DPP6: variants seen among roughly 807,000 people sequenced by gnomAD.
DPP6 encodes the protein A-type potassium channel modulatory protein DPP6.
In DPP6, 69 loss-of-function variants were observed where a neutral mutation model predicts 122.6. That is an observed-to-expected ratio of 0.56 (90% confidence interval 0.46 to 0.69). The LOEUF is 0.69. Ranked by LOEUF, DPP6 falls within the 30% of genes least tolerant of loss-of-function variation. DPP6 has a pLI of 0.00. For missense variants in DPP6, 928 were observed against 1,116.9 expected (o/e 0.83, Z 2.41); for synonymous variants, 418 against 433.1 (o/e 0.97, Z 0.43).
intron 1 of DPP6, among the ~76,000 whole-genome samples, chr7:154,013,918 C>T (rs1585176413): frequency 1.3e-5 from 2 of 151,376 alleles, no homozygotes; most frequent in South Asian, 4.2e-4. Flanking sequence ...GAGGAGTGAC[C>T]AGCCACCGAG....
At chr7:153,916,198 C>T (rs1657729154) in intron 1 of DPP6, among the ~76,000 whole-genome samples, 2 of 151,908 alleles carry the variant, frequency 1.3e-5, no homozygotes, top group South Asian at 2.1e-4. Context: ...TAGTCTCGAT[C>T]TCCTGACCTC....
At chr7:154,522,313 A>C (rs1016850911) in intron 3 of DPP6, among the ~76,000 whole-genome samples, 1 of 152,190 alleles carries the variant, frequency 6.6e-6, no homozygotes, top group African/African-American at 2.4e-5. Flanking sequence ...AATCAGGTGT[A>C]GTGAACCTCC....
At chr7:154,216,417 T>G (rs1312004570) in intron 1 of DPP6, among the ~76,000 whole-genome samples, 1 of 152,178 alleles carries the variant, frequency 6.6e-6, no homozygotes, top group Non-Finnish European at 1.5e-5. Context: ...CATAGGGATT[T>G]GGAAGATTGA....
chr7:153,813,687 G>C, the DPP6 span, among the ~76,000 whole-genome samples: 2 of 152,030 alleles, frequency 1.3e-5, no homozygotes, highest in East Asian at 3.9e-4. Flanking sequence ...TCCAGCACCT[G>C]TTGTTTCCTG....
intron 1 of DPP6, among the ~76,000 whole-genome samples, chr7:154,062,039 G>T (rs1802040736): frequency 8.4e-6 from 1 of 119,754 alleles, no homozygotes; most frequent in African/African-American, 3.1e-5. Flanking sequence ...CCCCCCGCGA[G>T]GCAGGGACTG....
At chr7:154,300,076 G>T (rs1265538148) in intron 1 of DPP6, among the ~76,000 whole-genome samples, 1 of 152,224 alleles carries the variant, frequency 6.6e-6, no homozygotes, top group Non-Finnish European at 1.5e-5. Context: ...TGTCAGGCTG[G>T]TTGCAGGTAT....
chr7:154,041,815 GT>G (rs1455445879), intron 1 of DPP6, among the ~76,000 whole-genome samples: 9 of 152,154 alleles, frequency 5.9e-5, no homozygotes, highest in African/African-American at 2.2e-4. Flanking sequence ...AGTGCAGTGA[GT>G]GGTGAAATCC....
intron 1 of DPP6, among the ~76,000 whole-genome samples, chr7:153,922,123 A>C (rs996652984): frequency 1.4e-4 from 21 of 152,218 alleles, no homozygotes; most frequent in Non-Finnish European, 2.9e-5. Context: ...GTCAGTGATG[A>C]TGACTCGATG....
At chr7:154,341,686 G>A (rs1168095266) in intron 1 of DPP6, among the ~76,000 whole-genome samples, 2 of 151,554 alleles carry the variant, frequency 1.3e-5, no homozygotes, top group African/African-American at 4.8e-5. Flanking sequence ...TAGTCTTGGG[G>A]TGTGTATGCA....
intron 1 of DPP6, among the ~76,000 whole-genome samples, chr7:154,077,607 T>C (rs1024839381): frequency 6.6e-6 from 1 of 151,926 alleles, no homozygotes; most frequent in African/African-American, 2.4e-5. Flanking sequence ...TCAAAAATGC[T>C]TCCTAGGAGG....
intron 1 of DPP6, among the ~76,000 whole-genome samples, chr7:153,895,686 A>ATG (rs910948632): frequency 9.2e-5 from 14 of 151,992 alleles, no homozygotes; most frequent in Middle Eastern, 3.4e-3. Context: ...AAGACTGTAT[A>ATG]TGTGTGTGTG....
At chr7:153,858,032 A>C in the DPP6 span, among the ~76,000 whole-genome samples, 1 of 152,224 alleles carries the variant, frequency 6.6e-6, no homozygotes, top group Non-Finnish European at 1.5e-5. Context: ...TGTACTTGTT[A>C]CATTTCATTC....
chr7:154,872,895 G>C (rs1804514898), intron 19 of DPP6, among the ~76,000 whole-genome samples: 1 of 152,258 alleles, frequency 6.6e-6, no homozygotes, highest in African/African-American at 2.4e-5. Context: ...AGTGGGTGCT[G>C]TGTACCCACC....
chr7:154,676,831 G>C (rs535894236), intron 7 of DPP6, among the ~76,000 whole-genome samples: 1 of 152,262 alleles, frequency 6.6e-6, no homozygotes, highest in Non-Finnish European at 1.5e-5. Flanking sequence ...TTACAGAAGC[G>C]AGAACTAAAG....
intron 5 of DPP6, chr7:154,587,509 T>A: frequency 2.3e-6 from 2 of 862,060 alleles, no homozygotes; most frequent in Non-Finnish European, 1.8e-6. Flanking sequence ...ATTGTACCTC[T>A]GCTTGAAGAC....
Position 153,933,744 on chromosome 7 carries a change from C to T in DPP6, c.51+46010C>T, listed in dbSNP as rs528795298. Reference sequence around the variant, plus strand: ...CTGCATAGAAACACACACCACAGGTCGTCTCCCCTTCCCTTTTAGTTCCCC... The same window carrying T: ...CTGCATAGAAACACACACCACAGGTTGTCTCCCCTTCCCTTTTAGTTCCCC... On this transcript the variant is annotated intron_variant, in intron 1 of 25. Coordinates refer to the DPP6 transcript ENST00000404039. 3.3e-5 allele frequency among the ~76,000 whole-genome samples: 5 copies of T among 152,120 alleles called. No homozygotes were observed. The South Asian group carries it at 1.0e-3, about 32-fold the overall frequency.
chr7:154,827,725 C>G (rs868239179), intron 16 of DPP6, among the ~76,000 whole-genome samples: 16 of 41,720 alleles, frequency 3.8e-4, no homozygotes, highest in African/African-American at 4.1e-4. Flanking sequence ...GGACGGCTGG[C>G]GGGGGGGGGG....
intron 1 of DPP6, among the ~76,000 whole-genome samples, chr7:154,040,459 T>C (rs1459114979): frequency 1.3e-5 from 2 of 150,202 alleles, no homozygotes; most frequent in Admixed American, 1.3e-4. Flanking sequence ...ACCAGTTCTG[T>C]GTAAGATGAC....
At chr7:154,717,617 A>G (rs1402920286) in intron 7 of DPP6, among the ~76,000 whole-genome samples, 2 of 152,180 alleles carry the variant, frequency 1.3e-5, no homozygotes, top group African/African-American at 4.8e-5. Flanking sequence ...GTATACATGC[A>G]TACCACATTT....
Sources: allele counts gnomAD v4.1 joint callset (sites outside exome capture counted in the v4.1 genomes callset), GRCh38; gene constraint gnomAD v4.1.1; transcripts MANE v1.5; gene names NCBI Gene and HGNC (gene_info 2026-07-23, HGNC 2026-07-21).